METAP1D: variants seen among roughly 807,000 people sequenced by gnomAD.
The protein encoded by METAP1D is methionine aminopeptidase 1D, mitochondrial.
In METAP1D, 31 loss-of-function variants were observed where a neutral mutation model predicts 40.5. The observed-to-expected ratio is 0.77, with a 90% CI of 0.58 to 1.03. The LOEUF (loss-of-function observed/expected upper bound fraction) is 1.03. METAP1D is among the 50% of genes least tolerant of loss of function. The pLI is 0.00. For missense variants in METAP1D, 411 were observed against 420.7 expected (o/e 0.98, Z 0.20); for synonymous variants, 151 against 146.4 (o/e 1.03, Z -0.22).
intron 7 of METAP1D, among the ~76,000 whole-genome samples, chr2:172,078,376 C>G (rs879426467): frequency 2.6e-5 from 4 of 152,202 alleles, no homozygotes; most frequent in Non-Finnish European, 5.9e-5. Context: ...TATGCCCACC[C>G]TTGTCTTCCT....
intron 1 of METAP1D, among the ~76,000 whole-genome samples, chr2:172,016,329 A>ATATATATATG (rs1688863963): frequency 9.8e-6 from 1 of 101,746 alleles, no homozygotes; most frequent in Non-Finnish European, 2.2e-5. Flanking sequence ...ATATATATAT[A>ATATATATATG]TAAATAGTCC....
At chr2:172,079,192 C>T in intron 7 of METAP1D, 23 bp from the exon 8 acceptor site, 4 of 1,613,230 alleles carry the variant, frequency 2.5e-6, no homozygotes, top group Non-Finnish European at 3.4e-6. Flanking sequence ...CTATTCTCAC[C>T]CCCCATGTTT....
Position 172,042,367 on chromosome 2 carries a change from G to A in METAP1D, c.41-19131G>A, listed in dbSNP as rs1160671444. ...TATATACATATATACATATGTATGT[G>A]TACATGTGTACATATATACATATAT... is the stretch of plus-strand genomic sequence containing the variant. On this transcript the variant is annotated intron_variant, in intron 1 of 9. Transcript: ENST00000315796. Among the ~76,000 whole-genome samples the A allele has an allele frequency of 6.5e-4, 26 of 39,860 alleles. 1 individual carries two copies. The highest frequency in any genetic ancestry group is 8.8e-4 in the Admixed American group (3 of 3,406). The allele number at this position is 39,860 out of a possible 152,430, so 26.1% of individuals were successfully genotyped here.
intron 3 of METAP1D, among the ~76,000 whole-genome samples, chr2:172,065,396 C>A (rs1041490583): frequency 6.6e-6 from 1 of 152,142 alleles, no homozygotes; most frequent in African/African-American, 2.4e-5. Flanking sequence ...CCTAATGGTC[C>A]ATAACACCAT....
In METAP1D at chr2:172,080,414, C is replaced by A; in HGVS notation, c.*8C>A. The A allele has an allele frequency of 6.2e-7, 1 of 1,613,886 alleles. No individual in the cohort carries two copies. The highest frequency in any genetic ancestry group is 8.5e-7 in the Non-Finnish European group (1 of 1,179,824). On this transcript the variant is annotated 3_prime_UTR_variant, in exon 10 of 10. Transcript: ENST00000315796. ...CTACCCCATGAGGCCTGAGGAGCCG[C>A]CCGAAGGTCGCGGTGACCTGGTGCC... is the stretch of plus-strand genomic sequence containing the variant.
intron 1 of METAP1D, among the ~76,000 whole-genome samples, chr2:172,044,064 T>C (rs1689677631): frequency 7.4e-6 from 1 of 134,292 alleles, no homozygotes; most frequent in South Asian, 2.4e-4. Flanking sequence ...CTGCACTTCG[T>C]CTGGGTGACA....
chr2:172,011,046 C>A (rs917645341), intron 1 of METAP1D, among the ~76,000 whole-genome samples: 10 of 152,064 alleles, frequency 6.6e-5, no homozygotes, highest in African/African-American at 2.2e-4. Flanking sequence ...TGAGCCACCG[C>A]GCCCAGCCTG....
intron 1 of METAP1D, among the ~76,000 whole-genome samples, chr2:172,053,763 G>A (rs140647229): frequency 0.018 from 2,792 of 152,264 alleles, 56 homozygotes; most frequent in Admixed American, 0.068. Flanking sequence ...GTAAAGTAGT[G>A]CCAAGCTACA....
chr2:172,024,758 G>GTGTGTGTGTGTGTA (rs1689087516), intron 1 of METAP1D, among the ~76,000 whole-genome samples: 2 of 135,332 alleles, frequency 1.5e-5, no homozygotes, highest in Non-Finnish European at 3.2e-5. Context: ...TTGTGTGTGT[G>GTGTGTGTGTGTGTA]TGTGTGTGTG....
intron 2 of METAP1D, 23 bp downstream of exon 2, chr2:172,061,678 C>A (rs1574135753): frequency 2.6e-6 from 4 of 1,546,456 alleles, no homozygotes; most frequent in African/African-American, 1.4e-5. Flanking sequence ...CTATTATCTC[C>A]TGCTTTTTCC....
chr2:172,016,349 G>A (rs1574093120), intron 1 of METAP1D, among the ~76,000 whole-genome samples: 1 of 132,314 alleles, frequency 7.6e-6, no homozygotes, highest in East Asian at 2.1e-4. Flanking sequence ...CAGGCGTGGT[G>A]ACTAATGCTT....
intron 1 of METAP1D, among the ~76,000 whole-genome samples, chr2:172,045,699 A>ATGTG (rs796722451): frequency 0.034 from 2,782 of 82,194 alleles, 107 homozygotes; most frequent in Non-Finnish European, 0.042. Flanking sequence ...ATTCATATAT[A>ATGTG]TGTGTGTGTG....
intron 1 of METAP1D, among the ~76,000 whole-genome samples, chr2:172,045,827 A>ATG (rs1689748751): frequency 4.7e-5 from 3 of 64,210 alleles, no homozygotes; most frequent in Admixed American, 1.6e-4. Flanking sequence ...GTGTATATAT[A>ATG]TATATATATA....
At chr2:172,027,313 G>A (rs1428955980) in intron 1 of METAP1D, among the ~76,000 whole-genome samples, 2 of 152,156 alleles carry the variant, frequency 1.3e-5, no homozygotes, top group Admixed American at 6.5e-5. Context: ...ATGATGGCAG[G>A]TCCCATAAGA....
At chr2:172,004,056 C>T (rs2105368932) in intron 1 of METAP1D, among the ~76,000 whole-genome samples, 1 of 152,244 alleles carries the variant, frequency 6.6e-6, no homozygotes, top group East Asian at 1.9e-4. Context: ...AGGCATGAAC[C>T]ACCGCACCTG....
At chr2:172,055,180 C>T (rs1402977046) in intron 1 of METAP1D, among the ~76,000 whole-genome samples, 2 of 152,140 alleles carry the variant, frequency 1.3e-5, no homozygotes, top group Admixed American at 6.5e-5. Context: ...ACCAAAACAC[C>T]GTGTGCAGTG....
At chr2:172,035,647 T>TTTTG (rs142393583) in intron 1 of METAP1D, among the ~76,000 whole-genome samples, 33 of 151,880 alleles carry the variant, frequency 2.2e-4, no homozygotes, top group Non-Finnish European at 3.5e-4. Context: ...AACAGTGTGA[T>TTTTG]TTTGTTTGTT....
At chr2:172,048,164 C>T (rs1264882138) in intron 1 of METAP1D, among the ~76,000 whole-genome samples, 1 of 152,186 alleles carries the variant, frequency 6.6e-6, no homozygotes, top group Non-Finnish European at 1.5e-5. Context: ...AGGCCCAGTG[C>T]TTTGGATGGT....
intron 1 of METAP1D, among the ~76,000 whole-genome samples, chr2:172,041,224 G>T (rs1012383638): frequency 2.0e-5 from 3 of 152,026 alleles, no homozygotes; most frequent in African/African-American, 7.2e-5. Flanking sequence ...ACTTGGGGAG[G>T]ACGAGGTGGG....
Sources: gnomAD v4.1 joint callset for allele counts (sites outside exome capture counted in the v4.1 genomes callset) on GRCh38, gnomAD v4.1.1 for gene constraint, MANE v1.5 for transcripts, NCBI Gene and HGNC (gene_info 2026-07-23, HGNC 2026-07-21) for gene names.